The following MYO6 variants were observed in gnomAD, a reference collection of about 807,000 sequenced individuals.
MYO6 encodes unconventional myosin-VI.
A neutral mutation model predicts 178.7 loss-of-function variants in MYO6; 74 were observed. The observed-to-expected ratio is 0.41, with a 90% CI of 0.34 to 0.50. The LOEUF (loss-of-function observed/expected upper bound fraction) is 0.50, where lower values mean the gene tolerates loss of function less well. Among genes scored for constraint, MYO6 ranks in the 20% least tolerant of loss-of-function variants. The pLI is 0.09. For synonymous variants in MYO6, 477 were observed against 504.6 expected, an observed-to-expected ratio of 0.95 and a Z score of 0.73; for missense variants, 1,330 against 1,547.4, an observed-to-expected ratio of 0.86 and a Z score of 2.36.
chr6:75,847,767 T>C (rs1358551038), intron 10 of MYO6, among the ~76,000 whole-genome samples: 1 of 152,086 alleles, frequency 6.6e-6, no homozygotes, highest in Non-Finnish European at 1.5e-5. Flanking sequence ...CAACTTAATA[T>C]TGGTGCAGTT....
At chr6:75,852,346 G>A (rs1775359095) in intron 11 of MYO6, among the ~76,000 whole-genome samples, 1 of 151,546 alleles carries the variant, frequency 6.6e-6, no homozygotes, top group Non-Finnish European at 1.5e-5. Context: ...TTTTTGGTAG[G>A]AGCTTTATTG....
At chr6:75,810,513 G>C (rs59710688) in intron 1 of MYO6, among the ~76,000 whole-genome samples, 5,649 of 152,196 alleles carry the variant, frequency 0.037, 230 homozygotes, top group East Asian at 0.15. Flanking sequence ...CAAAAGGGAG[G>C]GGGGTATAAT....
At chr6:75,870,509 A>T (rs1777061407) in intron 18 of MYO6, 138 bp from the exon 19 acceptor site, 13 of 697,960 alleles carry the variant, frequency 1.9e-5, no homozygotes, top group South Asian at 1.8e-4. Flanking sequence ...GTGTACCAGG[A>T]GGTTGTTAAA....
chr6:75,907,365 T>C (rs1780409474), intron 30 of MYO6, among the ~76,000 whole-genome samples: 1 of 152,188 alleles, frequency 6.6e-6, no homozygotes, highest in African/African-American at 2.4e-5. Context: ...ACTAGAATAT[T>C]AGAATCAAAA....
At chr6:75,781,975 T>G (rs1397302852) in intron 1 of MYO6, among the ~76,000 whole-genome samples, 2 of 135,430 alleles carry the variant, frequency 1.5e-5, no homozygotes, top group Non-Finnish European at 3.2e-5. Context: ...GCGTGTCACC[T>G]AAACCACGTG....
At chr6:75,841,941 A>G (rs974282911) in intron 9 of MYO6, among the ~76,000 whole-genome samples, 16 of 152,206 alleles carry the variant, frequency 1.1e-4, no homozygotes, top group African/African-American at 3.9e-4. Context: ...CCCTACGTCA[A>G]TTTAAACTCA....
intron 23 of MYO6, among the ~76,000 whole-genome samples, chr6:75,883,244 A>G (rs1029812305): frequency 5.9e-5 from 9 of 152,088 alleles, no homozygotes; most frequent in African/African-American, 2.2e-4. Context: ...ACAAAGAAAA[A>G]AAAAACACCC....
At chr6:75,905,199 C>A (rs987874292) in intron 30 of MYO6, among the ~76,000 whole-genome samples, 2 of 152,222 alleles carry the variant, frequency 1.3e-5, no homozygotes, top group African/African-American at 4.8e-5. Flanking sequence ...GCCCTGCCCC[C>A]AGAGGTGGAG....
rs568537463 is a variant in MYO6, at chr6:75,816,601, C to T, written c.-47-900C>T. Reference sequence around the variant, plus strand: ...TACATTTCACTGTATGTCAGTTTTACCTCAGTGGAAAATAAGAAAACAACA... The same window carrying T: ...TACATTTCACTGTATGTCAGTTTTATCTCAGTGGAAAATAAGAAAACAACA... On this transcript the variant is annotated intron_variant, in intron 1 of 34. Transcript: ENST00000369977. Among the ~76,000 whole-genome samples the T allele has an allele frequency of 2.0e-5, 3 of 152,280 alleles. No homozygotes were observed. The South Asian group carries it at 6.2e-4, about 32-fold the overall frequency.
intron 1 of MYO6, among the ~76,000 whole-genome samples, chr6:75,782,909 CTTTTTTTTTT>C (rs397888755): frequency 8.5e-6 from 1 of 117,974 alleles, no homozygotes; most frequent in Non-Finnish European, 1.7e-5. Context: ...AGCTAGTTAG[CTTTTTTTTTT>C]TTTTTTTTTT....
chr6:75,779,689 G>A (rs1039647636), intron 1 of MYO6, among the ~76,000 whole-genome samples: 7 of 151,582 alleles, frequency 4.6e-5, no homozygotes, highest in Non-Finnish European at 7.4e-5. Flanking sequence ...CTTTTTCTAT[G>A]GCTGTTTAAA....
intron 1 of MYO6, among the ~76,000 whole-genome samples, chr6:75,750,211 CAGCCTCCCGAGTAGCT>C (rs984379376): frequency 6.6e-6 from 1 of 151,874 alleles, no homozygotes; most frequent in Admixed American, 6.6e-5. Context: ...TTCTCTGCCA[CAGCCTCCCGAGTAGCT>C]GGGATTACAA....
intron 1 of MYO6, among the ~76,000 whole-genome samples, chr6:75,810,565 A>C (rs1770598799): frequency 6.6e-6 from 1 of 152,312 alleles, no homozygotes; most frequent in African/African-American, 2.4e-5. Context: ...CTGGGAATTC[A>C]GTTTTTCAAG....
intron 18 of MYO6, 111 bp downstream of exon 18, chr6:75,867,216 GA>G: frequency 1.2e-6 from 1 of 854,154 alleles, no homozygotes; most frequent in Non-Finnish European, 1.8e-6. Context: ...TGAAGTTCAA[GA>G]GCAGACCCTG....
chr6:75,787,686 C>T (rs1767723905), intron 1 of MYO6, among the ~76,000 whole-genome samples: 1 of 17,200 alleles, frequency 5.8e-5, no homozygotes, highest in Admixed American at 8.9e-4. Flanking sequence ...TTCTCTCTCT[C>T]TCTCTCTCTC....
chr6:75,894,983 C>A, intron 28 of MYO6: 1 of 672,080 alleles, frequency 1.5e-6, no homozygotes, highest in Non-Finnish European at 2.4e-6. Context: ...ACAAACCTCA[C>A]AATATATGAA....
rs547763822 is a variant in MYO6, at chr6:75,857,328, T to C, written c.1381+74T>C. The stretch of plus-strand genomic sequence containing the variant: ...CACATTAGAATTTGTTCTTAAATCT[T>C]TTCTCCTTTGTAACTCATTTTACTT... On this transcript the variant is annotated intron_variant, in intron 13 of 34. Coordinates refer to ENST00000369977, the MANE Select transcript of MYO6 (RefSeq NM_004999.4). 6 of 1,458,586 alleles carry C rather than the reference T, an allele frequency of 4.1e-6. No individual in the cohort carries two copies. In the Admixed American group the frequency reaches 5.1e-5, roughly 12 times the overall value. The allele number at this position is 1,458,586 out of a possible 1,614,324, so 90.4% of individuals were successfully genotyped here. A position where few individuals can be genotyped will look rare whatever the true frequency, so the allele number is the denominator to read the frequency against.
Position 75,914,927 on chromosome 6 carries a change from G to T in MYO6, c.3773G>T (p.Gly1258Val). The T allele has an allele frequency of 6.2e-7, 1 of 1,614,136 alleles. No homozygotes were observed. Among genetic ancestry groups the T allele is most frequent in the Non-Finnish European group, 8.5e-7 (1 of 1,180,026 alleles). Residue 1258 changes from glycine (G) to valine (V), a missense_variant, in exon 35 of 35, where the codon GGC becomes GTC. Coordinates refer to ENST00000369977, the MANE Select transcript of MYO6 (RefSeq NM_004999.4). The part of the protein sequence containing the change: ...QFEEIWERCG[G>V]IQYLQNAIES... ...GAAGAAATCTGGGAACGCTGTGGAGGCATCCAGTACCTTCAGAATGCGATT... is the reference window on the plus strand; with the variant it reads ...GAAGAAATCTGGGAACGCTGTGGAGTCATCCAGTACCTTCAGAATGCGATT...
chr6:75,907,540 C>A, intron 30 of MYO6, 65 bp from the exon 31 acceptor site: 5 of 1,270,372 alleles, frequency 3.9e-6, no homozygotes, highest in South Asian at 1.2e-5. Context: ...TGCTTTCTTG[C>A]CTCTTTAGTC....
Sources: allele counts gnomAD v4.1 joint callset (sites outside exome capture counted in the v4.1 genomes callset), GRCh38; gene constraint gnomAD v4.1.1; transcripts MANE v1.5; gene names NCBI Gene and HGNC (gene_info 2026-07-23, HGNC 2026-07-21).